Variants in DQX1 observed in about 807,000 individuals in gnomAD.
DQX1 encodes the protein ATP-dependent RNA helicase homolog DQX1.
DQX1 carries 66 observed loss-of-function variants against 81.3 expected under a neutral mutation model. The ratio of observed to expected loss-of-function variants is 0.81; its 90% confidence interval spans 0.67 to 1.00. The LOEUF (loss-of-function observed/expected upper bound fraction) is 1.00. DQX1 is among the 50% of genes least tolerant of loss of function. The pLI is 0.00. For missense variants in DQX1, 798 were observed against 867.9 expected, an observed-to-expected ratio of 0.92 and a Z score of 1.01; for synonymous variants, 290 against 350.0, an observed-to-expected ratio of 0.83 and a Z score of 1.91.
At chr2:74,521,334 A>G (rs1222754652) in intron 8 of DQX1, among the ~76,000 whole-genome samples, 1 of 152,184 alleles carries the variant, frequency 6.6e-6, no homozygotes, top group Non-Finnish European at 1.5e-5. Context: ...GAGCTGAGGT[A>G]CTGTTAACTA....
Position 74,519,623 on chromosome 2 carries a change from G to C in DQX1, c.1739C>G (p.Pro580Arg). ...MQRIELPLSL[P>R]AFGSEQNRRD... Reference sequence around the variant, plus strand: ...GCGATTCTGCTCAGAGCCAAAGGCTGGTAGGGACAAGGGAAGTTCAATTCG... The same window carrying C: ...GCGATTCTGCTCAGAGCCAAAGGCTCGTAGGGACAAGGGAAGTTCAATTCG... Residue 580 changes from proline (P) to arginine (R), a missense_variant, in exon 10 of 12, where the codon CCA (proline) becomes CGA (arginine). Physicochemically the swap from Pro to Arg is moderately radical, Grantham distance 103 (BLOSUM62 -2). Coordinates refer to ENST00000404568, the MANE Select transcript of DQX1 (RefSeq NM_133637.3). 1 of 1,614,244 alleles carries C rather than the reference G, an allele frequency of 6.2e-7. No homozygotes were observed.
Position 74,518,218 on chromosome 2 carries a change from C to T in DQX1, c.*228G>A, listed in dbSNP as rs1207209057. On this transcript the variant is annotated 3_prime_UTR_variant, in exon 12 of 12. Coordinates refer to ENST00000404568, the MANE Select transcript of DQX1 (RefSeq NM_133637.3). The stretch of plus-strand genomic sequence containing the variant: ...TAAGAGAATGAGGAGCATGTCAGTC[C>T]CTCTCCAATCAATAAGAGAAGGCTA... 1 of 485,654 alleles carries T rather than the reference C, an allele frequency of 2.1e-6. No homozygotes were observed. Among genetic ancestry groups the T allele is most frequent in the Non-Finnish European group, 3.6e-6 (1 of 278,148 alleles). 30.1% of individuals were successfully genotyped at this position (485,654 alleles called of 1,614,324 possible). A position where few individuals can be genotyped will look rare whatever the true frequency, so the allele number is the denominator to read the frequency against.
At chr2:74,519,506 C>G (rs762847165) in intron 10 of DQX1, 50 bp downstream of exon 10, 1 of 1,590,274 alleles carries the variant, frequency 6.3e-7, no homozygotes, top group Non-Finnish European at 8.6e-7. Context: ...TATTTGTTCT[C>G]TTTGCCTTTT....
Position 74,523,966 on chromosome 2 carries a change from T to C in DQX1, c.773A>G (p.Lys258Arg), listed in dbSNP as rs1189996686. ...CACTAGCACATCTCCTGGAAGCTCCTTCCGACACAATTCAAGCACTGCTTG... is the reference window on the plus strand; with the variant it reads ...CACTAGCACATCTCCTGGAAGCTCCCTCCGACACAATTCAAGCACTGCTTG... ...ACQAVLELCR[K>R]ELPGDVLVFL... is the part of the protein sequence containing the mutation. The change falls in exon 4 of 12, where the codon AAG becomes AGG. Residue 258 changes from lysine (K) to arginine (R), a missense_variant. Physicochemically the swap from Lys to Arg is conservative, Grantham distance 26. Transcript: ENST00000404568. The C allele has an allele frequency of 9.9e-6, 16 of 1,608,480 alleles. No individual in the cohort carries two copies. The highest frequency in any genetic ancestry group is 1.4e-5 in the Non-Finnish European group (16 of 1,175,268).
At chr2:74,518,873 A>G (rs1231186910) in intron 11 of DQX1, among the ~76,000 whole-genome samples, 167 bp downstream of exon 11, 1 of 152,208 alleles carries the variant, frequency 6.6e-6, no homozygotes, top group Non-Finnish European at 1.5e-5. Flanking sequence ...CTTCTCTTAT[A>G]ATGCAGACTT....
At chr2:74,519,862 A>C in intron 9 of DQX1, 53 bp downstream of exon 9, 1 of 1,602,362 alleles carries the variant, frequency 6.2e-7, no homozygotes, top group Non-Finnish European at 8.5e-7. Flanking sequence ...TGGCTGCATA[A>C]AATTTCCCCT....
chr2:74,519,731 G>A lies in DQX1; in HGVS notation c.1631C>T (p.Ala544Val), dbSNP rs199690861. Residue 544 changes from alanine to valine, a missense_variant, in exon 10 of 12, where the codon GCT (alanine) becomes GTT (valine). Physicochemically the swap from Ala to Val is moderately conservative, Grantham distance 64 (BLOSUM62 0). Transcript: ENST00000404568. ...EAFIQSGADE[A>V]WCQARGLNWA... is the part of the protein sequence containing the mutation. Reference sequence around the variant, plus strand: ...ATTCAGACCTCGAGCCTGGCACCAAGCCTCATCTGCTCCACCTAGGAGAGG... The same window carrying A: ...ATTCAGACCTCGAGCCTGGCACCAAACCTCATCTGCTCCACCTAGGAGAGG... 24 of 1,614,070 alleles carry A rather than the reference G, an allele frequency of 1.5e-5. 1 individual carries two copies. Among genetic ancestry groups the A allele is most frequent in the Admixed American group, 3.3e-5 (2 of 60,000 alleles).
chr2:74,518,434 T>C lies in DQX1; in HGVS notation c.*12A>G. On this transcript the variant is annotated 3_prime_UTR_variant, in exon 12 of 12. Transcript: ENST00000404568. ...ATGAGATGAACCCAGCTCCATTCCATAGGCAGGCAGGTCACTGCAGGACAC... is the reference window on the plus strand; with the variant it reads ...ATGAGATGAACCCAGCTCCATTCCACAGGCAGGCAGGTCACTGCAGGACAC... The C allele has an allele frequency of 6.2e-7, 1 of 1,613,652 alleles. No individual in the cohort carries two copies. The highest frequency in any genetic ancestry group is 8.5e-7 in the Non-Finnish European group (1 of 1,179,734).
Position 74,525,605 on chromosome 2 carries a change from C to T in DQX1, c.125G>A (p.Arg42His), listed in dbSNP as rs550414887. Residue 42 changes from arginine to histidine, a missense_variant, in exon 2 of 12, where the codon CGC (arginine) becomes CAC (histidine). By Grantham distance (29) the Arg-to-His change is conservative. Transcript: ENST00000404568. This position sits in a 1 kb window ranked among gnomAD's most constrained non-coding sequence, Gnocchi z 4.1. Reference protein sequence around the residue: ...SSRYYELLKQRQALPIWAARF... With the variant: ...SSRYYELLKQHQALPIWAARF... ...AGCAGCCCAGATGGGCAAGGCTTGGCGCTGCTTCAGCAGCTCATAGTAGCG... is the reference window on the plus strand; with the variant it reads ...AGCAGCCCAGATGGGCAAGGCTTGGTGCTGCTTCAGCAGCTCATAGTAGCG... 4.1e-5 allele frequency: 64 copies of T among 1,551,898 alleles called. No individual in the cohort carries two copies. Among genetic ancestry groups the T allele is most frequent in the Non-Finnish European group, 5.1e-5 (58 of 1,147,044 alleles).
At chr2:74,519,836 A>G (rs1325623690) in intron 9 of DQX1, 79 bp downstream of exon 9, 13 of 1,602,472 alleles carry the variant, frequency 8.1e-6, no homozygotes, top group Non-Finnish European at 1.1e-5. Context: ...CTTTCTGAGC[A>G]TAGAGATCTG....
In DQX1 at chr2:74,523,225, C is replaced by T. The variant is rs1216990125; in HGVS notation, c.1045-7G>A. On this transcript the variant is annotated splice_region_variant and splice_polypyrimidine_tract_variant and intron_variant, in intron 5 of 11. Coordinates refer to ENST00000404568, the MANE Select transcript of DQX1 (RefSeq NM_133637.3). ...GGATCCTAGGATTGTAAACCTGTTGCCCGTCCCCCAACCAAGGCCAAGACA... is the reference window on the plus strand; with the variant it reads ...GGATCCTAGGATTGTAAACCTGTTGTCCGTCCCCCAACCAAGGCCAAGACA... The T allele has an allele frequency of 6.2e-7, 1 of 1,614,042 alleles. No individual in the cohort carries two copies. Among genetic ancestry groups the T allele is most frequent in the African/African-American group, 1.3e-5 (1 of 74,904 alleles).
At chr2:74,522,090 A>T (rs1207534499) in intron 8 of DQX1, among the ~76,000 whole-genome samples, 1 of 152,226 alleles carries the variant, frequency 6.6e-6, no homozygotes, top group Non-Finnish European at 1.5e-5. Context: ...GAGCAGCGTT[A>T]CAGAGGCCTA....
chr2:74,518,321 G>T lies in DQX1; in HGVS notation c.*125C>A, dbSNP rs1184325449. On this transcript the variant is annotated 3_prime_UTR_variant, in exon 12 of 12. Transcript: ENST00000404568. Reference sequence around the variant, plus strand: ...CCAGTCTACCATTTCTTGGGACTCAGGTTCCAGGGTTTACATTTGACCCTA... The same window carrying T: ...CCAGTCTACCATTTCTTGGGACTCATGTTCCAGGGTTTACATTTGACCCTA... 1 of 1,167,700 alleles carries T rather than the reference G, an allele frequency of 8.6e-7. No individual in the cohort carries two copies. Among genetic ancestry groups the T allele is most frequent in the East Asian group, 2.4e-5 (1 of 41,432 alleles). The allele number at this position is 1,167,700 out of a possible 1,614,324, so 72.3% of individuals were successfully genotyped here.
At chr2:74,521,777 C>T (rs1317187569) in intron 8 of DQX1, among the ~76,000 whole-genome samples, 4 of 150,584 alleles carry the variant, frequency 2.7e-5, no homozygotes, top group African/African-American at 4.9e-5. Flanking sequence ...CTCTCTCCCC[C>T]TCTTTCCCTC....
At chr2:74,520,152 T>C (rs1674989487) in intron 8 of DQX1, 118 bp from the exon 9 acceptor site, 1 of 1,333,034 alleles carries the variant, frequency 7.5e-7, no homozygotes, top group East Asian at 2.4e-5. Context: ...TCAAAAGACA[T>C]AGATAACTTC....
At chr2:74,521,727 C>T (rs1423491698) in intron 8 of DQX1, among the ~76,000 whole-genome samples, 1 of 150,388 alleles carries the variant, frequency 6.6e-6, no homozygotes, top group African/African-American at 2.4e-5. Flanking sequence ...CCCTCTCTTT[C>T]CCTCTCCCTC....
Position 74,522,790 on chromosome 2 carries a change from T to C in DQX1, c.1304-19A>G, listed in dbSNP as rs1299141792. 5 of 1,613,806 alleles carry C rather than the reference T, an allele frequency of 3.1e-6. No individual in the cohort carries two copies. The South Asian group carries it at 4.4e-5, about 14-fold the overall frequency. On this transcript the variant is annotated intron_variant, in intron 7 of 11. Transcript: ENST00000404568. The stretch of plus-strand genomic sequence containing the variant: ...TCTGGAGCTGGTGAGGAAACAGGGC[T>C]TACAGGATATGAAGTTTCAGAACTG...
In DQX1 at chr2:74,525,166, C is replaced by T. The variant is rs1183641826; in HGVS notation, c.274G>A (p.Gly92Arg). The stretch of plus-strand genomic sequence containing the variant: ...ACAGTAACCTGTCCTTTCTGGAACC[C>T]TCTGGCCAGCGCAAACTCTGCACAC... ...QWCAEFALAR[G>R]FQKGQVTVTQ... The change falls in exon 3 of 12, where the codon GGG (glycine) becomes AGG (arginine). Residue 92 changes from glycine to arginine, a missense_variant. Coordinates refer to ENST00000404568, the MANE Select transcript of DQX1 (RefSeq NM_133637.3). This position sits in a 1 kb window ranked among gnomAD's most constrained non-coding sequence, Gnocchi z 4.1. 6.2e-7 allele frequency: 1 copy of T among 1,605,602 alleles called. No homozygotes were observed. Among genetic ancestry groups the T allele is most frequent in the Non-Finnish European group, 8.5e-7 (1 of 1,174,982 alleles).
chr2:74,519,007 T>A, intron 11 of DQX1, 33 bp downstream of exon 11: 1 of 1,510,866 alleles, frequency 6.6e-7, no homozygotes, highest in Non-Finnish European at 8.9e-7. Context: ...GGGAGAGGAA[T>A]AGGCAGTATA....
Sources: gnomAD v4.1 joint callset for allele counts (sites outside exome capture counted in the v4.1 genomes callset) on GRCh38, gnomAD v4.1.1 for gene constraint, Gnocchi (gnomAD v3.1) non-coding constraint, MANE v1.5 for transcripts, NCBI Gene and HGNC (gene_info 2026-07-23, HGNC 2026-07-21) for gene names.